ALS2: variants seen among roughly 807,000 people sequenced by gnomAD.
ALS2 encodes the protein alsin Rho guanine nucleotide exchange factor ALS2.
In ALS2, 117 loss-of-function variants were observed where a neutral mutation model predicts 203.4. The ratio of observed to expected loss-of-function variants is 0.58; its 90% CI spans 0.50 to 0.67. ALS2 has a LOEUF of 0.67. Ranked by LOEUF, ALS2 falls within the 30% of genes least tolerant of loss-of-function variation. ALS2 has a pLI of 0.00. For synonymous variants in ALS2, 718 were observed against 725.9 expected, an observed-to-expected ratio of 0.99 and a Z score of 0.17; for missense variants, 1,715 against 1,989.4, an observed-to-expected ratio of 0.86 and a Z score of 2.62.
intron 7 of ALS2, among the ~76,000 whole-genome samples, chr2:201,751,752 TAC>T (rs888026563): frequency 6.6e-6 from 1 of 152,158 alleles, no homozygotes; most frequent in Non-Finnish European, 1.5e-5. Context: ...AATTTGTTCA[TAC>T]ACACACACGC....
intron 16 of ALS2, 50 bp downstream of exon 16, chr2:201,727,655 C>G: frequency 7.9e-7 from 1 of 1,258,148 alleles, no homozygotes; most frequent in Non-Finnish European, 1.1e-6. Flanking sequence ...AGGAAGCAAC[C>G]TGGGTAACAG....
chr2:201,762,772 A>C (rs1693834814), intron 3 of ALS2: 1 of 152,400 alleles, frequency 6.6e-6, no homozygotes, highest in Non-Finnish European at 1.5e-5. Flanking sequence ...GAGGGCCCAG[A>C]GGCCCCAGAG....
chr2:201,730,508 T>C (rs1260109534), intron 13 of ALS2, among the ~76,000 whole-genome samples: 1 of 152,232 alleles, frequency 6.6e-6, no homozygotes, highest in Non-Finnish European at 1.5e-5. Context: ...GATTTTATTA[T>C]TGGCAACAAA....
chr2:201,750,852 C>CTTTT (rs550778369), intron 7 of ALS2, among the ~76,000 whole-genome samples: 1 of 137,530 alleles, frequency 7.3e-6, no homozygotes, highest in Non-Finnish European at 1.6e-5. Context: ...TTTCCAATTC[C>CTTTT]TTTTTTTTTT....
Position 201,705,425 on chromosome 2 carries a change from C to G in ALS2, c.4617G>C (p.Glu1539Asp). ...FWPATLSILG[E>D]SKKVLPTTKD... is the part of the protein sequence containing the mutation. The stretch of plus-strand genomic sequence containing the variant: ...AGAAAATCTACTATACCTTTTTACT[C>G]TCTCCAAGGATTGACAAGGTTGCTG... Residue 1539 changes from glutamate (E) to aspartate (D), a missense_variant, in exon 30 of 34, where the codon GAG (glutamate) becomes GAC (aspartate). Glu to Asp is a conservative substitution (Grantham distance 45, BLOSUM62 2). Transcript: ENST00000264276. The G allele has an allele frequency of 6.2e-7, 1 of 1,613,604 alleles. No individual in the cohort carries two copies. Among genetic ancestry groups the G allele is most frequent in the Non-Finnish European group, 8.5e-7 (1 of 1,179,584 alleles).
chr2:201,715,935 T>A, intron 24 of ALS2, 96 bp from the exon 25 acceptor site: 1 of 1,368,588 alleles, frequency 7.3e-7, no homozygotes, highest in Non-Finnish European at 1.0e-6. Flanking sequence ...AGAATGCTTT[T>A]TTCGTGACCA....
chr2:201,725,190 A>G (rs1691083365), intron 20 of ALS2, among the ~76,000 whole-genome samples, 166 bp downstream of exon 20: 1 of 152,192 alleles, frequency 6.6e-6, no homozygotes, highest in South Asian at 2.1e-4. Flanking sequence ...TGAGGGGTTA[A>G]CCTTTAAAAG....
At chr2:201,724,708 T>C (rs1308063238) in intron 20 of ALS2, among the ~76,000 whole-genome samples, 1 of 152,202 alleles carries the variant, frequency 6.6e-6, no homozygotes, top group African/African-American at 2.4e-5. Context: ...TATGGGAAAA[T>C]GAAATAATGA....
At chr2:201,745,848 C>T (rs377526513) in intron 9 of ALS2, among the ~76,000 whole-genome samples, 9 of 152,146 alleles carry the variant, frequency 5.9e-5, no homozygotes, top group African/African-American at 1.9e-4. Context: ...ACCTGGGAGA[C>T]TGAGGCAGGA....
intron 30 of ALS2, 44 bp downstream of exon 30, chr2:201,705,372 T>G: frequency 6.3e-7 from 1 of 1,588,652 alleles, no homozygotes. Flanking sequence ...ATCCTTCCCA[T>G]TAGAGAAAAG....
Position 201,767,398 on chromosome 2 carries a change from A to G in ALS2, c.21-15T>C, listed in dbSNP as rs754844986. 1.3e-5 allele frequency: 21 copies of G among 1,613,578 alleles called. No individual in the cohort carries two copies. Among genetic ancestry groups the G allele is most frequent in the Non-Finnish European group, 1.7e-5 (20 of 1,179,728 alleles). On this transcript the variant is annotated splice_polypyrimidine_tract_variant and intron_variant, in intron 2 of 33. Transcript: ENST00000264276. The stretch of plus-strand genomic sequence containing the variant: ...CCTCTGTTGAGCTAAAACATCAAGA[A>G]ACATAGCTTAATTGTTTCTACAATT...
At chr2:201,714,734 G>C (rs2105979962) in intron 25 of ALS2, among the ~76,000 whole-genome samples, 1 of 152,344 alleles carries the variant, frequency 6.6e-6, no homozygotes, top group African/African-American at 2.4e-5. Context: ...TGTTCTGTGA[G>C]TGTACAACTT....
At chr2:201,756,785 T>C (rs1693427720) in intron 5 of ALS2, among the ~76,000 whole-genome samples, 1 of 152,222 alleles carries the variant, frequency 6.6e-6, no homozygotes, top group Non-Finnish European at 1.5e-5. Flanking sequence ...CTGGGGGACC[T>C]TGCTCTAATG....
chr2:201,747,055 T>C (rs559436043), intron 8 of ALS2, among the ~76,000 whole-genome samples: 1 of 152,342 alleles, frequency 6.6e-6, no homozygotes, highest in Admixed American at 6.5e-5. Flanking sequence ...GACTGTATTA[T>C]AATGAAGAGA....
At chr2:201,723,842 T>A (rs1690973638) in intron 21 of ALS2, among the ~76,000 whole-genome samples, 1 of 152,196 alleles carries the variant, frequency 6.6e-6, no homozygotes, top group Non-Finnish European at 1.5e-5. Context: ...AGAGGCTGGA[T>A]TCGGTGGCTC....
intron 14 of ALS2, 112 bp downstream of exon 14, chr2:201,728,940 G>A: frequency 6.6e-7 from 1 of 1,516,360 alleles, no homozygotes; most frequent in Non-Finnish European, 9.2e-7. Context: ...TAGGAAAGGG[G>A]TCATTAAAAG....
intron 4 of ALS2, among the ~76,000 whole-genome samples, chr2:201,759,103 A>T (rs1323830388): frequency 6.6e-6 from 1 of 152,172 alleles, no homozygotes; most frequent in Admixed American, 6.5e-5. Flanking sequence ...TTTAGAGGTA[A>T]CTATTTTAGG....
At chr2:201,743,384 G>A (rs1180182883) in intron 10 of ALS2, among the ~76,000 whole-genome samples, 1 of 152,114 alleles carries the variant, frequency 6.6e-6, no homozygotes, top group Non-Finnish European at 1.5e-5. Context: ...TAGTACTACT[G>A]TAACCCATTG....
chr2:201,757,177 C>G (rs1326488267), intron 5 of ALS2, among the ~76,000 whole-genome samples: 2 of 152,150 alleles, frequency 1.3e-5, no homozygotes, highest in Admixed American at 6.5e-5. Context: ...CAATAAGGTT[C>G]ATAAGCAGGA....
Sources: allele counts gnomAD v4.1 joint callset (sites outside exome capture counted in the v4.1 genomes callset), GRCh38; gene constraint gnomAD v4.1.1; transcripts MANE v1.5; gene names NCBI Gene and HGNC (gene_info 2026-07-23, HGNC 2026-07-21).